Variants in ATP8A2 observed in about 807,000 individuals in gnomAD.
ATP8A2 encodes phospholipid-transporting ATPase IB.
In ATP8A2, 100 loss-of-function variants were observed where a neutral mutation model predicts 165.6. The ratio of observed to expected loss-of-function variants is 0.60; its 90% CI spans 0.51 to 0.71. ATP8A2 has a LOEUF of 0.71. ATP8A2 is among the 30% of genes least tolerant of loss of function. The pLI, the probability that ATP8A2 is intolerant of heterozygous loss-of-function variation, is 0.00. For synonymous variants in ATP8A2, 543 were observed against 548.8 expected, an observed-to-expected ratio of 0.99 and a Z score of 0.15; for missense variants, 1,227 against 1,479.5, an observed-to-expected ratio of 0.83 and a Z score of 2.80.
At chr13:25,909,089 A>G (rs1408734729) in intron 33 of ATP8A2, among the ~76,000 whole-genome samples, 1 of 152,160 alleles carries the variant, frequency 6.6e-6, no homozygotes, top group African/African-American at 2.4e-5. Flanking sequence ...TTTAAACCTG[A>G]TATCAGGAGG....
chr13:25,853,693 C>T (rs1952077468), intron 30 of ATP8A2, among the ~76,000 whole-genome samples: 1 of 152,130 alleles, frequency 6.6e-6, no homozygotes, highest in Non-Finnish European at 1.5e-5. Context: ...GTAGGTGGGA[C>T]TTCAAGCACA....
intron 1 of ATP8A2, among the ~76,000 whole-genome samples, chr13:25,401,830 T>C (rs1203478577): frequency 6.6e-6 from 1 of 152,170 alleles, no homozygotes; most frequent in African/African-American, 2.4e-5. Flanking sequence ...ATGATAATAA[T>C]ATACCAACAT....
chr13:25,815,157 A>T (rs761950655), intron 27 of ATP8A2, among the ~76,000 whole-genome samples: 5 of 152,208 alleles, frequency 3.3e-5, no homozygotes, highest in Non-Finnish European at 7.3e-5. Flanking sequence ...TGTTTACTTG[A>T]ACACCAAAAA....
At chr13:25,733,061 A>T (rs961366808) in intron 25 of ATP8A2, among the ~76,000 whole-genome samples, 1 of 152,212 alleles carries the variant, frequency 6.6e-6, no homozygotes, top group Non-Finnish European at 1.5e-5. Flanking sequence ...GCAATTTTAC[A>T]TGCCTTTATG....
chr13:25,827,982 T>C lies in ATP8A2; in HGVS notation c.2680-136T>C, dbSNP rs217879. 3.7e-3 allele frequency: 2,496 copies of C among 682,004 alleles called. 42 individuals are homozygous for C. The African/African-American group carries it at 0.039, about 11-fold the overall frequency. The allele number at this position is 682,004 out of a possible 1,614,324, so 42.2% of individuals were successfully genotyped here. A position where few individuals can be genotyped will look rare whatever the true frequency, so the allele number is the denominator to read the frequency against. On this transcript the variant is annotated intron_variant, in intron 27 of 36. Coordinates refer to ENST00000381655, the MANE Select transcript of ATP8A2 (RefSeq NM_016529.6). ...AATCTATGTTTTATAAAGGAACAAC[T>C]GCTGCAGTCCCTGTGGCTCATGATT...
chr13:25,819,392 A>G (rs1237450980), intron 27 of ATP8A2, among the ~76,000 whole-genome samples: 1 of 152,126 alleles, frequency 6.6e-6, no homozygotes, highest in Non-Finnish European at 1.5e-5. Flanking sequence ...GAACAGAAAA[A>G]GATTCTCTAG....
chr13:25,815,490 T>C (rs2138538974), intron 27 of ATP8A2, among the ~76,000 whole-genome samples: 1 of 152,292 alleles, frequency 6.6e-6, no homozygotes, highest in South Asian at 2.1e-4. Flanking sequence ...TACACTGAGA[T>C]ACCACTTCAT....
At chr13:25,823,111 G>A (rs987145975) in intron 27 of ATP8A2, among the ~76,000 whole-genome samples, 5 of 152,234 alleles carry the variant, frequency 3.3e-5, no homozygotes, top group Non-Finnish European at 7.3e-5. Context: ...GCTGACTGGA[G>A]GAGATGCAGT....
At chr13:25,610,076 C>G (rs2040640596) in intron 24 of ATP8A2, among the ~76,000 whole-genome samples, 2 of 152,050 alleles carry the variant, frequency 1.3e-5, no homozygotes, top group African/African-American at 2.4e-5. Context: ...TGTGTTTACT[C>G]TACTAATTGT....
intron 1 of ATP8A2, among the ~76,000 whole-genome samples, chr13:25,435,836 G>T (rs569720193): frequency 6.6e-6 from 1 of 152,078 alleles, no homozygotes; most frequent in African/African-American, 2.4e-5. Flanking sequence ...TCTTATTTAT[G>T]CTTCCCCTAA....
intron 27 of ATP8A2, among the ~76,000 whole-genome samples, chr13:25,780,941 T>C (rs1353785054): frequency 2.0e-5 from 3 of 152,144 alleles, no homozygotes; most frequent in African/African-American, 7.2e-5. Flanking sequence ...ATCCCTGTAC[T>C]ACAGGATATG....
chr13:25,424,290 C>A (rs1009181992), intron 1 of ATP8A2, among the ~76,000 whole-genome samples: 1 of 152,180 alleles, frequency 6.6e-6, no homozygotes, highest in African/African-American at 2.4e-5. Flanking sequence ...GGCCCAATAT[C>A]CATTCTTCCC....
chr13:25,432,206 A>C (rs1401788662), intron 1 of ATP8A2, among the ~76,000 whole-genome samples: 2 of 152,232 alleles, frequency 1.3e-5, no homozygotes, highest in Non-Finnish European at 2.9e-5. Flanking sequence ...GTGCATGAAG[A>C]AAGCTACGGT....
chr13:25,748,282 A>G (rs1008889034), intron 25 of ATP8A2, among the ~76,000 whole-genome samples: 1 of 152,212 alleles, frequency 6.6e-6, no homozygotes, highest in African/African-American at 2.4e-5. Flanking sequence ...ATTTCAGCAA[A>G]TTGGTCAGAG....
intron 33 of ATP8A2, among the ~76,000 whole-genome samples, chr13:25,900,094 C>T (rs899994567): frequency 1.3e-5 from 2 of 152,120 alleles, no homozygotes; most frequent in Admixed American, 6.5e-5. Flanking sequence ...TTATAGCCTG[C>T]AGGCTGGCCA....
chr13:25,867,125 T>C (rs1952528391), intron 33 of ATP8A2, among the ~76,000 whole-genome samples: 1 of 150,588 alleles, frequency 6.6e-6, no homozygotes, highest in Non-Finnish European at 1.5e-5. Flanking sequence ...AGCCAGTTTC[T>C]GGACTGGGAC....
At chr13:25,886,116 C>A (rs981890673) in intron 33 of ATP8A2, among the ~76,000 whole-genome samples, 2 of 152,310 alleles carry the variant, frequency 1.3e-5, no homozygotes, top group South Asian at 4.2e-4. Flanking sequence ...AAGAATATTA[C>A]AGTAGTTAGT....
chr13:25,707,013 AAAATTTCTC>A (rs1387153098), intron 25 of ATP8A2, among the ~76,000 whole-genome samples: 14 of 152,304 alleles, frequency 9.2e-5, no homozygotes, highest in African/African-American at 3.1e-4. Context: ...TCTTGGAAAA[AAAATTTCTC>A]AAAGCCCAAA....
chr13:25,386,202 C>CTGT lies in ATP8A2; in HGVS notation c.76+13914_76+13915insTGT, dbSNP rs558611363. Among the ~76,000 whole-genome samples, 746 of 152,268 alleles carry CTGT rather than the reference C, an allele frequency of 4.9e-3. 11 individuals carry two copies. Among genetic ancestry groups the CTGT allele is most frequent in the African/African-American group, 0.017 (695 of 41,536 alleles). ...AAGTGCTGGGATTACAGGTGTGAGCCACCTCTCCTGGCCGGGCTTAATTTT... is the reference window on the plus strand; with the variant it reads ...AAGTGCTGGGATTACAGGTGTGAGCCTGTACCTCTCCTGGCCGGGCTTAATTTT... On this transcript the variant is annotated intron_variant, in intron 1 of 36. Coordinates refer to ENST00000381655, the MANE Select transcript of ATP8A2 (RefSeq NM_016529.6).
Sources: allele counts gnomAD v4.1 joint callset (sites outside exome capture counted in the v4.1 genomes callset), GRCh38; gene constraint gnomAD v4.1.1; transcripts MANE v1.5; gene names NCBI Gene and HGNC (gene_info 2026-07-23, HGNC 2026-07-21).